Variants in DECR1 observed in about 807,000 individuals in gnomAD.
The protein encoded by DECR1 is 2,4-dienoyl-CoA reductase [(3E)-enoyl-CoA-producing], mitochondrial.
A neutral mutation model predicts 38.8 loss-of-function variants in DECR1; 44 were observed. The ratio of observed to expected loss-of-function variants is 1.13; its 90% CI spans 0.89 to 1.46. DECR1 has a LOEUF of 1.46. Among genes scored for constraint, DECR1 ranks in the 40% most tolerant of loss-of-function variants. The probability of loss-of-function intolerance (pLI) is 0.00; values close to 1 mark genes in which losing one functional copy is unlikely to be tolerated. For missense variants in DECR1, 428 were observed against 405.5 expected (o/e 1.06, Z -0.48); for synonymous variants, 148 against 135.2 (o/e 1.09, Z -0.66).
chr8:90,021,817 A>G (rs554350193), intron 5 of DECR1, among the ~76,000 whole-genome samples: 1 of 152,320 alleles, frequency 6.6e-6, no homozygotes, highest in African/African-American at 2.4e-5. Context: ...AATGAGATTA[A>G]GAACACTGGA....
intron 8 of DECR1, 135 bp from the exon 9 acceptor site, chr8:90,051,541 GT>G: frequency 1.6e-6 from 1 of 639,904 alleles, no homozygotes; most frequent in Non-Finnish European, 2.7e-6. Context: ...TTAATCATGA[GT>G]TTTATCTTTA....
intron 1 of DECR1, among the ~76,000 whole-genome samples, chr8:90,001,893 G>T (rs193134579): frequency 4.3e-4 from 65 of 151,056 alleles, no homozygotes; most frequent in Non-Finnish European, 2.8e-4. Context: ...AAGAGAAAGG[G>T]CAGGAAGTCT....
chr8:90,017,219 T>C lies in DECR1; in HGVS notation c.165T>C (p.Asn55=). 1.9e-6 allele frequency: 3 copies of C among 1,614,162 alleles called. No individual in the cohort carries two copies. The highest frequency in any genetic ancestry group is 2.5e-6 in the Non-Finnish European group (3 of 1,179,992). The change falls in exon 2 of 10, where the codon AAT becomes AAC. Residue 55 remains asparagine (N), a synonymous_variant. Coordinates refer to ENST00000220764, the MANE Select transcript of DECR1 (RefSeq NM_001359.2). ...TTCAAAAAGCGATGCTACCACCTAA[T>C]AGTTTTCAAGGAAAAGTGGCATTCA... ...SPLQKAMLPP[N]SFQGKVAFIT... is the part of the protein sequence containing the mutation.
intron 5 of DECR1, among the ~76,000 whole-genome samples, chr8:90,025,087 G>C (rs1402503207): frequency 6.6e-6 from 1 of 152,142 alleles, no homozygotes; most frequent in African/African-American, 2.4e-5. Context: ...CTATATCTCT[G>C]TTTTGGTACC....
At chr8:90,046,700 C>G (rs1249849648) in intron 8 of DECR1, among the ~76,000 whole-genome samples, 1 of 152,178 alleles carries the variant, frequency 6.6e-6, no homozygotes, top group African/African-American at 2.4e-5. Context: ...TACAAAGATA[C>G]TCCCTGAGAA....
At chr8:90,015,536 T>A in intron 1 of DECR1, 2 of 397,852 alleles carry the variant, frequency 5.0e-6, no homozygotes, top group Non-Finnish European at 1.0e-5. Flanking sequence ...TTGTGCAATT[T>A]CCAGGTGATG....
intron 5 of DECR1, among the ~76,000 whole-genome samples, chr8:90,030,701 A>C (rs1813474235): frequency 6.6e-6 from 1 of 152,226 alleles, no homozygotes; most frequent in Non-Finnish European, 1.5e-5. Flanking sequence ...CAGTAGTGTG[A>C]GTGCAAGGTG....
intron 1 of DECR1, among the ~76,000 whole-genome samples, chr8:90,006,776 A>C (rs1812752477): frequency 6.6e-6 from 1 of 152,188 alleles, no homozygotes; most frequent in Non-Finnish European, 1.5e-5. Context: ...AAACATCCAA[A>C]CACCAGTGAT....
rs750950640 is a variant in DECR1 at position 90,051,796 on chromosome 8, A to G, written c.949-42A>G. ...GCAGCTAGGATACTAAGCTTTAAAA[A>G]CATGTAAAAAGGACATTAAATTGAC... On this transcript the variant is annotated intron_variant, in intron 9 of 9. Transcript: ENST00000220764. 5.6e-6 allele frequency: 9 copies of G among 1,613,272 alleles called. No individual in the cohort carries two copies. The African/African-American group carries it at 8.0e-5, about 14-fold the overall frequency.
At chr8:90,049,882 A>G (rs1461233216) in intron 8 of DECR1, among the ~76,000 whole-genome samples, 2 of 152,160 alleles carry the variant, frequency 1.3e-5, no homozygotes, top group Non-Finnish European at 2.9e-5. Context: ...ACACATCTAC[A>G]ACCATCTGAT....
chr8:90,046,857 A>C (rs914840354), intron 8 of DECR1, among the ~76,000 whole-genome samples: 2 of 152,228 alleles, frequency 1.3e-5, no homozygotes, highest in Admixed American at 1.3e-4. Flanking sequence ...ACTACAAGTC[A>C]GAAGAAAGTG....
At chr8:90,034,989 A>T (rs982130451) in intron 5 of DECR1, among the ~76,000 whole-genome samples, 31 of 152,252 alleles carry the variant, frequency 2.0e-4, no homozygotes, top group African/African-American at 5.5e-4. Context: ...TTTGATGGAT[A>T]TGGAATTCAG....
intron 7 of DECR1, among the ~76,000 whole-genome samples, chr8:90,044,632 T>G (rs1437530204): frequency 6.6e-6 from 1 of 152,256 alleles, no homozygotes; most frequent in Non-Finnish European, 1.5e-5. Context: ...AAGATAGATA[T>G]CCTCATTTTA....
chr8:90,022,232 G>C (rs971175799), intron 5 of DECR1, among the ~76,000 whole-genome samples: 3 of 152,196 alleles, frequency 2.0e-5, no homozygotes, highest in South Asian at 2.1e-4. Context: ...TCCTCCCTCT[G>C]TTCAGAAACC....
chr8:90,012,392 G>T (rs1466468257), intron 1 of DECR1, among the ~76,000 whole-genome samples: 1 of 151,818 alleles, frequency 6.6e-6, no homozygotes, highest in Non-Finnish European at 1.5e-5. Flanking sequence ...ATCTCAGGTG[G>T]TCCACCTGCC....
intron 1 of DECR1, 107 bp downstream of exon 1, chr8:90,001,668 G>A: frequency 9.3e-7 from 1 of 1,070,094 alleles, no homozygotes; most frequent in Non-Finnish European, 1.4e-6. Context: ...GCATCCTGGG[G>A]CGCAAAGAGA....
At chr8:90,009,633 A>G (rs568625326) in intron 1 of DECR1, among the ~76,000 whole-genome samples, 2 of 152,312 alleles carry the variant, frequency 1.3e-5, no homozygotes, top group Non-Finnish European at 2.9e-5. Flanking sequence ...GTTTATCCCT[A>G]ATACTTTTTT....
intron 1 of DECR1, among the ~76,000 whole-genome samples, chr8:90,008,515 A>G (rs1812798717): frequency 6.6e-6 from 1 of 152,218 alleles, no homozygotes; most frequent in Non-Finnish European, 1.5e-5. Flanking sequence ...GGTAAAGATG[A>G]GAGAGGTAGA....
intron 1 of DECR1, among the ~76,000 whole-genome samples, chr8:90,002,715 G>A (rs1812646521): frequency 6.6e-6 from 1 of 152,194 alleles, no homozygotes; most frequent in Non-Finnish European, 1.5e-5. Flanking sequence ...TAGTATGGTG[G>A]TTCCCTCAAG....
Sources: allele counts gnomAD v4.1 joint callset (sites outside exome capture counted in the v4.1 genomes callset), GRCh38; gene constraint gnomAD v4.1.1; transcripts MANE v1.5; gene names NCBI Gene and HGNC (gene_info 2026-07-23, HGNC 2026-07-21).